The following RBM25 variants were observed in gnomAD, a reference collection of about 807,000 sequenced individuals.
RBM25 encodes the protein RNA binding motif protein 25.
RBM25 carries 19 observed loss-of-function variants against 120.7 expected under a neutral mutation model. That is an observed-to-expected ratio of 0.16 (90% CI 0.11 to 0.23). RBM25 has a LOEUF of 0.23. RBM25 is among the 10% of genes least tolerant of loss of function. The pLI, the probability that RBM25 is intolerant of heterozygous loss-of-function variation, is 1.00. For synonymous variants in RBM25, 390 were observed against 326.7 expected (o/e 1.19, Z -2.09); for missense variants, 605 against 1,041.5 (o/e 0.58, Z 5.77).
chr14:73,087,396 CTTTT>C (rs763206419), intron 5 of RBM25, among the ~76,000 whole-genome samples: 2 of 136,760 alleles, frequency 1.5e-5, no homozygotes, highest in Admixed American at 7.3e-5. Flanking sequence ...TGACTCCTTT[CTTTT>C]TTTTTTTTTT....
chr14:73,072,476 TA>T, intron 2 of RBM25, among the ~76,000 whole-genome samples: 1 of 152,316 alleles, frequency 6.6e-6, no homozygotes, highest in East Asian at 1.9e-4. Context: ...TATAAGTCAA[TA>T]TAAGTAAAGA....
chr14:73,068,010 GTTTC>G (rs1895182522), intron 1 of RBM25: 1 of 308,614 alleles, frequency 3.2e-6, no homozygotes, highest in East Asian at 6.3e-5. Context: ...TTGACTGCCA[GTTTC>G]TTAAGTTGGC....
In RBM25 at chr14:73,120,346, T is replaced by A. The variant is rs770990266; in HGVS notation, c.*541T>A. 2 of 152,710 alleles carry A rather than the reference T, an allele frequency of 1.3e-5. No homozygotes were observed. The highest frequency in any genetic ancestry group is 1.5e-5 in the Non-Finnish European group (1 of 68,096). 9.5% of individuals were successfully genotyped at this position (152,710 alleles called of 1,614,324 possible). ...CTGTATGAATGTGTTTGTGAATGTA[T>A]GTGTAAAAGTCTTTCTTTTCCCTAA... On this transcript the variant is annotated 3_prime_UTR_variant, in exon 19 of 19. Transcript: ENST00000261973.
intron 18 of RBM25, among the ~76,000 whole-genome samples, chr14:73,115,906 T>C (rs362440): frequency 0.02 from 3,002 of 152,250 alleles, 96 homozygotes; most frequent in African/African-American, 0.064. Context: ...GCAAGGTGCA[T>C]AGTATGACTA....
chr14:73,103,948 T>TCTCTCACA (rs1594928335), intron 10 of RBM25, among the ~76,000 whole-genome samples: 45 of 91,426 alleles, frequency 4.9e-4, no homozygotes, highest in Non-Finnish European at 7.3e-4. Flanking sequence ...TCTCTCTCTC[T>TCTCTCACA]CACACACACA....
chr14:73,060,605 A>G (rs1203818025), intron 1 of RBM25, among the ~76,000 whole-genome samples: 1 of 151,508 alleles, frequency 6.6e-6, no homozygotes, highest in Non-Finnish European at 1.5e-5. Context: ...ACTGCCATTC[A>G]CAAAAGGGGA....
At chr14:73,074,710 T>TG (rs568593355) in intron 2 of RBM25, among the ~76,000 whole-genome samples, 23 of 152,146 alleles carry the variant, frequency 1.5e-4, no homozygotes, top group South Asian at 1.2e-3. Context: ...TGATTTTTTT[T>TG]TTTGTTTGTT....
intron 17 of RBM25, among the ~76,000 whole-genome samples, chr14:73,113,399 C>G (rs1369129592): frequency 6.6e-6 from 1 of 150,822 alleles, no homozygotes; most frequent in Non-Finnish European, 1.5e-5. Flanking sequence ...AGATAAAGTT[C>G]TATAAAATGT....
intron 6 of RBM25, among the ~76,000 whole-genome samples, chr14:73,088,986 C>A (rs537978003): frequency 6.6e-6 from 1 of 152,116 alleles, no homozygotes; most frequent in Non-Finnish European, 1.5e-5. Flanking sequence ...ACTAAAAATA[C>A]AAAAAATTAG....
intron 6 of RBM25, among the ~76,000 whole-genome samples, chr14:73,094,817 GTGTGTGTGTGTGTGTGTGTGTGTGTC>G (rs1268800881): frequency 5.0e-5 from 6 of 120,022 alleles, no homozygotes; most frequent in African/African-American, 1.4e-4. Context: ...CGAGGTGTGT[GTGTGTGTGTGTGTGTGTGTGTGTGTC>G]TGTGTGTGTG....
Position 73,121,665 on chromosome 14 carries a change from G to A in RBM25, c.*1860G>A, listed in dbSNP as rs1896543687. The A allele has an allele frequency of 6.6e-6, 1 of 152,168 alleles. No individual in the cohort carries two copies. The highest frequency in any genetic ancestry group is 1.5e-5 in the Non-Finnish European group (1 of 68,040). The allele number at this position is 152,168 out of a possible 1,614,324, so 9.4% of individuals were successfully genotyped here. A position where few individuals can be genotyped will look rare whatever the true frequency, so the allele number is the denominator to read the frequency against. ...CTGTCTTTTCTTAACATACTGCACT[G>A]TTCTTAAGCATCATATTGTGTTGTT... On this transcript the variant is annotated 3_prime_UTR_variant, in exon 19 of 19. Coordinates refer to ENST00000261973, the MANE Select transcript of RBM25 (RefSeq NM_021239.3).
Position 73,109,609 on chromosome 14 carries a change from C to T in RBM25, c.1692+117C>T, listed in dbSNP as rs187918075. On this transcript the variant is annotated intron_variant, in intron 14 of 18. Coordinates refer to ENST00000261973, the MANE Select transcript of RBM25 (RefSeq NM_021239.3). Reference sequence around the variant, plus strand: ...GAGATCGAGATCATCCTGGCTAACACGGTGAAACCCCGTCTCTATTAAAAA... The same window carrying T: ...GAGATCGAGATCATCCTGGCTAACATGGTGAAACCCCGTCTCTATTAAAAA... The T allele has an allele frequency of 3.5e-4, 317 of 906,894 alleles. 2 individuals are homozygous for T. The highest frequency in any genetic ancestry group is 5.1e-4 in the East Asian group (18 of 35,300). 56.2% of individuals were successfully genotyped at this position (906,894 alleles called of 1,614,324 possible).
chr14:73,080,981 C>T (rs1471333232), intron 4 of RBM25, among the ~76,000 whole-genome samples: 1 of 151,434 alleles, frequency 6.6e-6, no homozygotes, highest in Non-Finnish European at 1.5e-5. Flanking sequence ...CCTGCTACCA[C>T]ACCTGGCTAA....
At chr14:73,080,653 T>C (rs1895539049) in intron 4 of RBM25, among the ~76,000 whole-genome samples, 2 of 152,210 alleles carry the variant, frequency 1.3e-5, no homozygotes, top group South Asian at 4.1e-4. Context: ...TGACATGTTA[T>C]GGTAGCTTGA....
At chr14:73,108,302 A>G (rs2140459974) in intron 13 of RBM25, among the ~76,000 whole-genome samples, 1 of 152,324 alleles carries the variant, frequency 6.6e-6, no homozygotes, top group East Asian at 1.9e-4. Context: ...CTCCCTCTGC[A>G]GTCTCTTGAG....
At chr14:73,098,116 A>G (rs1895987741) in intron 7 of RBM25, among the ~76,000 whole-genome samples, 1 of 152,062 alleles carries the variant, frequency 6.6e-6, no homozygotes. Context: ...AAAAAATCCC[A>G]CAAATATTGG....
intron 18 of RBM25, among the ~76,000 whole-genome samples, chr14:73,116,666 G>C (rs1243440082): frequency 6.6e-6 from 1 of 152,180 alleles, no homozygotes; most frequent in Non-Finnish European, 1.5e-5. Context: ...TTAGGCCTGA[G>C]TGAAGACATT....
chr14:73,074,300 G>A (rs1895361220), intron 2 of RBM25, among the ~76,000 whole-genome samples: 1 of 152,040 alleles, frequency 6.6e-6, no homozygotes. Context: ...ACTTAATGTG[G>A]CCTCTATCTC....
chr14:73,119,269 GT>G (rs375862858), intron 18 of RBM25, among the ~76,000 whole-genome samples: 7 of 151,382 alleles, frequency 4.6e-5, no homozygotes, highest in Non-Finnish European at 1.0e-4. Context: ...AAACTTTTTT[GT>G]TTTTTTTGTT....
Sources: gnomAD v4.1 joint callset for allele counts (sites outside exome capture counted in the v4.1 genomes callset) on GRCh38, gnomAD v4.1.1 for gene constraint, MANE v1.5 for transcripts, NCBI Gene and HGNC (gene_info 2026-07-23, HGNC 2026-07-21) for gene names.